Variants in GLIS3 observed in about 807,000 individuals in gnomAD.
GLIS3 encodes the protein GLIS family zinc finger 3.
A neutral mutation model predicts 78.6 loss-of-function variants in GLIS3; 53 were observed. The ratio of observed to expected loss-of-function variants is 0.67; its 90% CI spans 0.54 to 0.85. The LOEUF (loss-of-function observed/expected upper bound fraction) is 0.85. Among genes scored for constraint, GLIS3 ranks in the 40% least tolerant of loss-of-function variants. GLIS3 has a pLI of 0.00. For missense variants in GLIS3, 1,703 were observed against 1,231.1 expected, an observed-to-expected ratio of 1.38 and a Z score of -5.74; for synonymous variants, 684 against 509.9, an observed-to-expected ratio of 1.34 and a Z score of -4.60.
chr9:3,855,260 A>G (rs753983072), intron 9 of GLIS3, among the ~76,000 whole-genome samples: 12 of 152,362 alleles, frequency 7.9e-5, no homozygotes, highest in Non-Finnish European at 1.6e-4. Context: ...ATTAAACACA[A>G]GATCTGCACA....
the GLIS3 span, among the ~76,000 whole-genome samples, chr9:4,417,078 T>A: frequency 2.0e-5 from 3 of 152,152 alleles, no homozygotes; most frequent in Admixed American, 6.5e-5. Context: ...TTAGAGTTTA[T>A]CACTGGAGAC....
At chr9:4,207,946 A>T (rs75086590) in intron 2 of GLIS3, among the ~76,000 whole-genome samples, 1 of 152,200 alleles carries the variant, frequency 6.6e-6, no homozygotes, top group Non-Finnish European at 1.5e-5. Flanking sequence ...CAAAAATGCT[A>T]TATGTCCCTG....
chr9:4,109,734 G>T (rs1173868032), intron 4 of GLIS3, among the ~76,000 whole-genome samples: 1 of 152,080 alleles, frequency 6.6e-6, no homozygotes, highest in Non-Finnish European at 1.5e-5. Flanking sequence ...AGTCCTTCAT[G>T]ACTTCCTCCA....
At chr9:4,252,316 T>C (rs1824478063) in intron 2 of GLIS3, among the ~76,000 whole-genome samples, 1 of 152,160 alleles carries the variant, frequency 6.6e-6, no homozygotes, top group Non-Finnish European at 1.5e-5. Context: ...TTTCATTCTT[T>C]TTTTCTGTAA....
intron 2 of GLIS3, among the ~76,000 whole-genome samples, chr9:4,330,054 T>G (rs921094287): frequency 6.6e-6 from 1 of 152,214 alleles, no homozygotes; most frequent in African/African-American, 2.4e-5. Flanking sequence ...TAATGAAAAT[T>G]AACACTTTCC....
intron 4 of GLIS3, among the ~76,000 whole-genome samples, chr9:4,103,324 C>G (rs1356310879): frequency 2.0e-5 from 3 of 152,066 alleles, no homozygotes; most frequent in Admixed American, 2.0e-4. Flanking sequence ...GAGTACAACC[C>G]ATAAGACCTT....
intron 9 of GLIS3, among the ~76,000 whole-genome samples, chr9:3,839,766 C>T (rs1354874248): frequency 1.3e-5 from 2 of 152,150 alleles, no homozygotes; most frequent in African/African-American, 4.8e-5. Context: ...GTTGAGGTTT[C>T]TCACTGCCAG....
chr9:4,223,225 G>A (rs1196528488), intron 2 of GLIS3, among the ~76,000 whole-genome samples: 4 of 152,162 alleles, frequency 2.6e-5, no homozygotes, highest in South Asian at 2.1e-4. Context: ...CTCCACCCCA[G>A]CACATTGCCA....
chr9:4,324,738 G>T (rs1817578254), intron 2 of GLIS3, among the ~76,000 whole-genome samples: 1 of 152,162 alleles, frequency 6.6e-6, no homozygotes, highest in Admixed American at 6.5e-5. Context: ...ACCATTTTCT[G>T]TAAATCACTT....
intron 4 of GLIS3, among the ~76,000 whole-genome samples, chr9:4,110,886 G>A (rs1215850173): frequency 1.3e-5 from 2 of 152,134 alleles, no homozygotes; most frequent in African/African-American, 4.8e-5. Flanking sequence ...TCAGACGACC[G>A]CTTCTTTTTG....
In GLIS3 at chr9:4,171,359, T is replaced by A. The variant is rs867330836; in HGVS notation, c.389-45418A>T. On this transcript the variant is annotated intron_variant, in intron 2 of 10. Transcript: ENST00000381971. ...GTAATAAGAAAGATTCCGTAGATACTGCTTAGAGAGAGATTAGATTGAAAT... is the reference window on the plus strand; with the variant it reads ...GTAATAAGAAAGATTCCGTAGATACAGCTTAGAGAGAGATTAGATTGAAAT... Among the ~76,000 whole-genome samples the A allele has an allele frequency of 2.6e-5, 4 of 152,180 alleles. No individual in the cohort carries two copies. In the East Asian group the frequency reaches 5.8e-4, roughly 22 times the overall value.
rs184942141 is a variant in GLIS3 at position 4,011,295 on chromosome 9, G to C, written c.1711-74106C>G. On this transcript the variant is annotated intron_variant, in intron 4 of 10. Coordinates refer to ENST00000381971, the MANE Select transcript of GLIS3 (RefSeq NM_001042413.2). ...TTGTAAGAGTCATCTGCCAGGCCCA[G>C]GGGAGAGAACAGGGTGAGTAAGAAG... is the stretch of plus-strand genomic sequence containing the variant. 8.7e-4 allele frequency among the ~76,000 whole-genome samples: 133 copies of C among 152,330 alleles called. 1 individual carries two copies. The highest frequency in any genetic ancestry group is 1.5e-4 in the Non-Finnish European group (10 of 68,026).
At chr9:3,883,471 A>G (rs923541315) in intron 7 of GLIS3, among the ~76,000 whole-genome samples, 1 of 152,216 alleles carries the variant, frequency 6.6e-6, no homozygotes, top group Non-Finnish European at 1.5e-5. Context: ...GAAAATCTCC[A>G]CCTTAGAGTA....
At chr9:3,924,381 G>T (rs1404225872) in intron 6 of GLIS3, among the ~76,000 whole-genome samples, 1 of 152,144 alleles carries the variant, frequency 6.6e-6, no homozygotes, top group African/African-American at 2.4e-5. Flanking sequence ...TTGCCAAGAA[G>T]GGAAAATGGA....
At chr9:3,915,170 G>A (rs978619385) in intron 6 of GLIS3, among the ~76,000 whole-genome samples, 1 of 152,152 alleles carries the variant, frequency 6.6e-6, no homozygotes, top group East Asian at 1.9e-4. Flanking sequence ...AGCCTGTATA[G>A]ACTCTGCCAA....
chr9:4,182,634 T>A (rs1339249679), intron 2 of GLIS3, among the ~76,000 whole-genome samples: 1 of 152,242 alleles, frequency 6.6e-6, no homozygotes, highest in Non-Finnish European at 1.5e-5. Context: ...TCACTCTTCA[T>A]CTTCCTCTTT....
At chr9:3,867,302 T>TA (rs1375434784) in intron 8 of GLIS3, among the ~76,000 whole-genome samples, 1 of 152,222 alleles carries the variant, frequency 6.6e-6, no homozygotes, top group Admixed American at 6.5e-5. Flanking sequence ...ACTAGACTGG[T>TA]AAAAAGAAAG....
rs2129695228 is a variant in GLIS3 at position 3,986,866 on chromosome 9, G to GAA, written c.1711-49679_1711-49678dup. 2.0e-5 allele frequency among the ~76,000 whole-genome samples: 3 copies of GAA among 152,330 alleles called. No homozygotes were observed. The East Asian group carries it at 5.8e-4, about 29-fold the overall frequency. On this transcript the variant is annotated intron_variant, in intron 4 of 10. Coordinates refer to ENST00000381971, the MANE Select transcript of GLIS3 (RefSeq NM_001042413.2). The stretch of plus-strand genomic sequence containing the variant: ...GTCTGCCTGCTAAAGTAAAAGTTTG[G>GAA]AATGCAACCCAGAGTTTCCAAACAT...
At chr9:4,381,180 T>C in the GLIS3 span, among the ~76,000 whole-genome samples, 1 of 152,116 alleles carries the variant, frequency 6.6e-6, no homozygotes, top group Non-Finnish European at 1.5e-5. Context: ...TGACATACAA[T>C]CTTCATGGAA....
Sources: allele counts gnomAD v4.1 joint callset (sites outside exome capture counted in the v4.1 genomes callset), GRCh38; gene constraint gnomAD v4.1.1; transcripts MANE v1.5; gene names NCBI Gene and HGNC (gene_info 2026-07-23, HGNC 2026-07-21).